The following CNBD1 variants were observed in gnomAD, a reference collection of about 807,000 sequenced individuals.
CNBD1 encodes cyclic nucleotide binding domain containing 1, also known as cyclic nucleotide-binding domain-containing protein 1.
CNBD1 carries 71 observed loss-of-function variants against 54.4 expected under a neutral mutation model. The observed-to-expected ratio is 1.30, with a 90% CI of 1.08 to 1.59. The LOEUF (loss-of-function observed/expected upper bound fraction) is 1.59. Ranked by LOEUF, CNBD1 falls within the 40% of genes most tolerant of loss-of-function variation. CNBD1 has a pLI of 0.00. For missense variants in CNBD1, 659 were observed against 518.0 expected (o/e 1.27, Z -2.64); for synonymous variants, 182 against 170.7 (o/e 1.07, Z -0.51).
At chr8:87,131,614 A>G (rs1417234134) in intron 4 of CNBD1, among the ~76,000 whole-genome samples, 1 of 151,996 alleles carries the variant, frequency 6.6e-6, no homozygotes, top group Non-Finnish European at 1.5e-5. Context: ...GCTATTTTTT[A>G]TAATTCAATA....
intron 5 of CNBD1, among the ~76,000 whole-genome samples, chr8:87,213,396 A>G (rs563664537): frequency 6.6e-6 from 1 of 152,322 alleles, no homozygotes; most frequent in African/African-American, 2.4e-5. Context: ...AAGAAGTTTA[A>G]TGGACTCACA....
At chr8:86,962,130 G>T (rs1157482420) in intron 4 of CNBD1, among the ~76,000 whole-genome samples, 1 of 152,128 alleles carries the variant, frequency 6.6e-6, no homozygotes, top group Non-Finnish European at 1.5e-5. Context: ...ATGAATCAAT[G>T]ATGCCTCCTT....
At chr8:87,167,467 T>C (rs1279830040) in intron 4 of CNBD1, among the ~76,000 whole-genome samples, 4 of 151,902 alleles carry the variant, frequency 2.6e-5, no homozygotes, top group Non-Finnish European at 5.9e-5. Context: ...GTTGTTGTTG[T>C]TTTGTTTTTA....
At chr8:87,409,096 G>A (rs1340144087) in intron 2 of CNBD1, among the ~76,000 whole-genome samples, 1 of 152,140 alleles carries the variant, frequency 6.6e-6, no homozygotes, top group Non-Finnish European at 1.5e-5. Context: ...TAATGAGGAA[G>A]GCATGTCGAA....
At chr8:87,165,921 G>A (rs1223874287) in intron 4 of CNBD1, among the ~76,000 whole-genome samples, 1 of 151,942 alleles carries the variant, frequency 6.6e-6, no homozygotes, top group East Asian at 1.9e-4. Context: ...CTCTCTAGAA[G>A]TAAAATTTCA....
chr8:87,384,871 T>C (rs2130963074), downstream of CNBD1, among the ~76,000 whole-genome samples: 1 of 152,192 alleles, frequency 6.6e-6, no homozygotes, highest in South Asian at 2.1e-4. Flanking sequence ...TTAGATGTAG[T>C]TGAAATGAAT....
intron 8 of CNBD1, among the ~76,000 whole-genome samples, chr8:87,350,300 A>G (rs1351893409): frequency 1.3e-5 from 2 of 152,084 alleles, no homozygotes; most frequent in Non-Finnish European, 2.9e-5. Context: ...TATTTAAACA[A>G]AATAAATGAT....
At chr8:87,400,591 G>A (rs564010379) in intron 2 of CNBD1, among the ~76,000 whole-genome samples, 2 of 151,916 alleles carry the variant, frequency 1.3e-5, no homozygotes, top group South Asian at 4.2e-4. Context: ...ACAAAAGAAT[G>A]GTTTTAATAA....
chr8:87,282,634 G>C (rs947017355), intron 6 of CNBD1, among the ~76,000 whole-genome samples: 1 of 151,790 alleles, frequency 6.6e-6, no homozygotes, highest in African/African-American at 2.4e-5. Flanking sequence ...CGTATTGGAA[G>C]TTTTATAATT....
intron 8 of CNBD1, among the ~76,000 whole-genome samples, chr8:87,322,677 T>G (rs1456775095): frequency 1.3e-5 from 1 of 76,472 alleles, no homozygotes; most frequent in Non-Finnish European, 2.8e-5. Context: ...TAAATTTGTT[T>G]GAGTTCATTG....
At chr8:86,886,969 G>A (rs912451804) in intron 1 of CNBD1, among the ~76,000 whole-genome samples, 1 of 152,078 alleles carries the variant, frequency 6.6e-6, no homozygotes, top group East Asian at 1.9e-4. Context: ...TTTTGGCTAT[G>A]ATTACTATCT....
chr8:86,939,182 T>C (rs747402795), intron 3 of CNBD1, among the ~76,000 whole-genome samples: 5 of 151,984 alleles, frequency 3.3e-5, no homozygotes, highest in African/African-American at 4.8e-5. Flanking sequence ...AGATTACCAG[T>C]GGTAAATAAA....
intron 4 of CNBD1, among the ~76,000 whole-genome samples, chr8:87,055,725 T>A (rs572620772): frequency 6.6e-6 from 1 of 151,838 alleles, no homozygotes; most frequent in African/African-American, 2.4e-5. Flanking sequence ...CCTTCCTTCT[T>A]TTTTCTTTCT....
chr8:87,408,146 T>C (rs181796961), intron 2 of CNBD1, among the ~76,000 whole-genome samples: 2 of 152,224 alleles, frequency 1.3e-5, no homozygotes, highest in East Asian at 1.9e-4. Context: ...AACATTATTT[T>C]CTATGGTTTG....
chr8:87,226,917 G>T (rs1283986378), intron 5 of CNBD1, among the ~76,000 whole-genome samples: 3 of 151,524 alleles, frequency 2.0e-5, no homozygotes, highest in Non-Finnish European at 4.4e-5. Flanking sequence ...TATGAATCTG[G>T]GTGCTCCTCT....
chr8:87,268,327 C>T (rs1199536641), intron 6 of CNBD1, among the ~76,000 whole-genome samples: 1 of 152,012 alleles, frequency 6.6e-6, no homozygotes, highest in Non-Finnish European at 1.5e-5. Flanking sequence ...TGTATATGTA[C>T]CACATTTTCT....
At chr8:87,353,043 C>T in intron 9 of CNBD1, among the ~76,000 whole-genome samples, 1 of 152,152 alleles carries the variant, frequency 6.6e-6, no homozygotes, top group East Asian at 1.9e-4. Flanking sequence ...TCAAAATTTT[C>T]TCCAGAACCA....
At chr8:87,251,290 A>G (rs1303083336) in intron 6 of CNBD1, among the ~76,000 whole-genome samples, 1 of 152,138 alleles carries the variant, frequency 6.6e-6, no homozygotes, top group Non-Finnish European at 1.5e-5. Flanking sequence ...AGTCTTTCTT[A>G]GAAATTGGAT....
At chr8:87,203,163 A>G (rs1314587637) in intron 4 of CNBD1, among the ~76,000 whole-genome samples, 1 of 152,216 alleles carries the variant, frequency 6.6e-6, no homozygotes, top group African/African-American at 2.4e-5. Context: ...GTATACTGAT[A>G]TAATATATTT....
Sources: gnomAD v4.1 joint callset for allele counts (sites outside exome capture counted in the v4.1 genomes callset) on GRCh38, gnomAD v4.1.1 for gene constraint, MANE v1.5 for transcripts, NCBI Gene and HGNC (gene_info 2026-07-23, HGNC 2026-07-21) for gene names.